Variants in ADGRL3 observed in about 807,000 individuals in gnomAD.
ADGRL3 encodes the protein calcium-independent alpha-latrotoxin receptor 3.
In ADGRL3, 62 loss-of-function variants were observed where a neutral mutation model predicts 153.5. The ratio of observed to expected loss-of-function variants is 0.40; its 90% CI spans 0.33 to 0.50. The LOEUF (loss-of-function observed/expected upper bound fraction) is 0.50. ADGRL3 is among the 20% of genes least tolerant of loss of function. ADGRL3 has a pLI of 0.47. For synonymous variants in ADGRL3, 710 were observed against 672.5 expected, an observed-to-expected ratio of 1.06 and a Z score of -0.86; for missense variants, 1,641 against 1,859.4, an observed-to-expected ratio of 0.88 and a Z score of 2.16.
intron 5 of ADGRL3, among the ~76,000 whole-genome samples, chr4:61,607,877 A>C (rs2099038762): frequency 6.6e-6 from 1 of 152,068 alleles, no homozygotes; most frequent in African/African-American, 2.4e-5. Flanking sequence ...CTGTAAACTA[A>C]ATTCCTCCTG....
intron 4 of ADGRL3, among the ~76,000 whole-genome samples, chr4:61,521,059 C>T (rs796600286): frequency 5.6e-4 from 86 of 152,242 alleles, no homozygotes; most frequent in African/African-American, 1.9e-3. Flanking sequence ...TAGTCATTCC[C>T]TGGCCCAGGG....
At chr4:61,370,533 A>T (rs2096499585) in intron 1 of ADGRL3, among the ~76,000 whole-genome samples, 1 of 151,722 alleles carries the variant, frequency 6.6e-6, no homozygotes, top group Admixed American at 6.6e-5. Context: ...CATGTAGTTG[A>T]GTGGTTTTGA....
chr4:61,946,453 C>G (rs2098924826), intron 15 of ADGRL3, among the ~76,000 whole-genome samples: 1 of 151,776 alleles, frequency 6.6e-6, no homozygotes, highest in African/African-American at 2.4e-5. Flanking sequence ...AATAATGAAT[C>G]TTATTTTTAA....
chr4:61,663,673 G>A (rs929957427), intron 5 of ADGRL3, among the ~76,000 whole-genome samples: 2 of 152,200 alleles, frequency 1.3e-5, no homozygotes, highest in African/African-American at 4.8e-5. Context: ...AGAGGTTTCT[G>A]TATGGGAAAG....
chr4:61,978,418 A>C (rs533333341), intron 17 of ADGRL3, among the ~76,000 whole-genome samples: 3 of 152,134 alleles, frequency 2.0e-5, no homozygotes, highest in Non-Finnish European at 4.4e-5. Context: ...ACTATTCTTT[A>C]AAATATCATT....
At chr4:61,588,185 G>A (rs1426399348) in intron 5 of ADGRL3, among the ~76,000 whole-genome samples, 1 of 151,658 alleles carries the variant, frequency 6.6e-6, no homozygotes, top group Non-Finnish European at 1.5e-5. Context: ...AGAAATCAGG[G>A]ATAAAGTCAT....
At chr4:61,737,801 C>T (rs935716757) in intron 8 of ADGRL3, among the ~76,000 whole-genome samples, 5 of 151,982 alleles carry the variant, frequency 3.3e-5, no homozygotes, top group African/African-American at 7.2e-5. Flanking sequence ...ACTTGTAGTT[C>T]GTATTACAAG....
chr4:61,558,615 T>C (rs2098779905), intron 4 of ADGRL3, among the ~76,000 whole-genome samples: 1 of 151,952 alleles, frequency 6.6e-6, no homozygotes, highest in Non-Finnish European at 1.5e-5. Context: ...CATCTATCTA[T>C]CAATCAATCA....
chr4:61,450,296 T>G (rs1338667701), intron 2 of ADGRL3, among the ~76,000 whole-genome samples: 1 of 152,194 alleles, frequency 6.6e-6, no homozygotes, highest in Admixed American at 6.5e-5. Context: ...CCAAAATACC[T>G]AGTAGAATAT....
intron 4 of ADGRL3, among the ~76,000 whole-genome samples, chr4:61,544,175 C>T (rs1305487215): frequency 1.3e-5 from 2 of 152,204 alleles, no homozygotes; most frequent in Non-Finnish European, 2.9e-5. Context: ...AGAATGACGG[C>T]ATCAGTTTTC....
At chr4:61,508,529 A>G (rs1031039947) in intron 3 of ADGRL3, among the ~76,000 whole-genome samples, 1 of 152,198 alleles carries the variant, frequency 6.6e-6, no homozygotes, top group Non-Finnish European at 1.5e-5. Context: ...TTTAACCTAC[A>G]TATCTAAGCA....
chr4:61,287,749 A>G (rs1408908175), intron 1 of ADGRL3, among the ~76,000 whole-genome samples: 1 of 151,906 alleles, frequency 6.6e-6, no homozygotes, highest in African/African-American at 2.4e-5. Flanking sequence ...CTGGAGTGCC[A>G]TGAAGATGAC....
intron 3 of ADGRL3, among the ~76,000 whole-genome samples, chr4:61,506,388 A>G (rs2098428716): frequency 6.6e-6 from 1 of 152,090 alleles, no homozygotes; most frequent in African/African-American, 2.4e-5. Flanking sequence ...CAAAGACTGC[A>G]TTGTATATTC....
In ADGRL3 at chr4:61,409,081, C is replaced by A. The variant is rs1007584291; in HGVS notation, c.-174+25892C>A. On this transcript the variant is annotated intron_variant, in intron 2 of 26. Transcript: ENST00000683033. Reference sequence around the variant, plus strand: ...GCCCCAGGACTATCTCTGCCTGACTCATTAACTTGCTTTTCAAGTTACATT... The same window carrying A: ...GCCCCAGGACTATCTCTGCCTGACTAATTAACTTGCTTTTCAAGTTACATT... Among the ~76,000 whole-genome samples, 3 of 150,646 alleles carry A rather than the reference C, an allele frequency of 2.0e-5. No individual in the cohort carries two copies. The Admixed American group carries it at 2.0e-4, about 10-fold the overall frequency.
intron 9 of ADGRL3, among the ~76,000 whole-genome samples, chr4:61,847,986 T>TTA (rs1462281224): frequency 1.8e-4 from 2 of 10,884 alleles, no homozygotes; most frequent in African/African-American, 7.3e-4. Flanking sequence ...ATAAAATATA[T>TTA]TATATATATA....
Position 61,381,293 on chromosome 4 carries a change from T to TTGTGTGTGTGTGTG in ADGRL3, c.-239-1803_-239-1790dup, listed in dbSNP as rs55767359. Among the ~76,000 whole-genome samples, 708 of 141,454 alleles carry TTGTGTGTGTGTGTG rather than the reference T, an allele frequency of 5.0e-3. 5 individuals carry two copies. Among genetic ancestry groups the TTGTGTGTGTGTGTG allele is most frequent in the Middle Eastern group, 0.043 (12 of 276 alleles). 92.8% of individuals were successfully genotyped at this position (141,454 alleles called of 152,430 possible). On this transcript the variant is annotated intron_variant, in intron 1 of 26. Coordinates refer to ENST00000683033, the MANE Select transcript of ADGRL3 (RefSeq NM_001387552.1). ...TACAGACAGTTTCCAATAAACAAGT[T>TTGTGTGTGTGTGTG]TGTGTGTGTGTGTGTGTGTGTGTGT...
intron 4 of ADGRL3, among the ~76,000 whole-genome samples, chr4:61,558,120 A>G (rs1474120290): frequency 6.8e-6 from 1 of 146,032 alleles, no homozygotes; most frequent in South Asian, 2.1e-4. Context: ...ACATATATAT[A>G]TATGTAGGAA....
chr4:61,765,709 T>C (rs1361462093), intron 8 of ADGRL3, among the ~76,000 whole-genome samples: 1 of 152,086 alleles, frequency 6.6e-6, no homozygotes, highest in Non-Finnish European at 1.5e-5. Flanking sequence ...GGCCTCTACC[T>C]ATCCAGTGAA....
chr4:61,855,089 G>C (rs2098248040), intron 9 of ADGRL3, among the ~76,000 whole-genome samples: 1 of 152,076 alleles, frequency 6.6e-6, no homozygotes, highest in Non-Finnish European at 1.5e-5. Flanking sequence ...ACAAAAAAAA[G>C]ACATGAGGAA....
Sources: gnomAD v4.1 joint callset for allele counts (sites outside exome capture counted in the v4.1 genomes callset) on GRCh38, gnomAD v4.1.1 for gene constraint, MANE v1.5 for transcripts, NCBI Gene and HGNC (gene_info 2026-07-23, HGNC 2026-07-21) for gene names.